SLC7A5: variants seen among roughly 807,000 people sequenced by gnomAD.
SLC7A5 encodes the protein solute carrier family 7 member 5.
Under a neutral mutation model 50.2 loss-of-function variants are expected in SLC7A5, and 23 were observed. The observed-to-expected ratio is 0.46, with a 90% CI of 0.33 to 0.65. SLC7A5 has a LOEUF of 0.65. Ranked by LOEUF, SLC7A5 falls within the 30% of genes least tolerant of loss-of-function variation. The probability of loss-of-function intolerance (pLI) is 0.02; values close to 1 mark genes in which losing one functional copy is unlikely to be tolerated. For missense variants in SLC7A5, 578 were observed against 684.4 expected, an observed-to-expected ratio of 0.84 and a Z score of 1.73; for synonymous variants, 393 against 330.6, an observed-to-expected ratio of 1.19 and a Z score of -2.05.
At chr16:87,838,620 T>A in intron 6 of SLC7A5, 94 bp downstream of exon 6, 1 of 975,876 alleles carries the variant, frequency 1.0e-6, no homozygotes, top group East Asian at 2.4e-5. Context: ...ATCCCCAGTA[T>A]CACAGAGACA....
At chr16:87,842,182 C>T (rs2055090421) in intron 2 of SLC7A5, among the ~76,000 whole-genome samples, 1 of 152,200 alleles carries the variant, frequency 6.6e-6, no homozygotes, top group African/African-American at 2.4e-5. Flanking sequence ...CAGCTGGAGG[C>T]ACAAGTGGAA....
intron 1 of SLC7A5, among the ~76,000 whole-genome samples, chr16:87,865,821 T>G (rs1471575618): frequency 1.3e-5 from 2 of 152,116 alleles, no homozygotes; most frequent in Non-Finnish European, 2.9e-5. Flanking sequence ...CATTAGCTAT[T>G]ACATTAGAAT....
At chr16:87,842,006 C>T (rs987499738) in intron 2 of SLC7A5, among the ~76,000 whole-genome samples, 4 of 152,194 alleles carry the variant, frequency 2.6e-5, no homozygotes, top group Non-Finnish European at 5.9e-5. Flanking sequence ...GTGGCTGTTG[C>T]CTCCTCTGTG....
intron 1 of SLC7A5, among the ~76,000 whole-genome samples, chr16:87,859,628 G>A (rs1399456672): frequency 2.0e-5 from 3 of 152,126 alleles, no homozygotes; most frequent in Non-Finnish European, 2.9e-5. Flanking sequence ...CAGGTACAGC[G>A]GACCAGCACT....
chr16:87,835,496 T>A (rs2054987813), intron 8 of SLC7A5, among the ~76,000 whole-genome samples: 1 of 152,212 alleles, frequency 6.6e-6, no homozygotes, highest in African/African-American at 2.4e-5. Flanking sequence ...CCCCTGTTTT[T>A]TTTGTTTGTT....
intron 5 of SLC7A5, among the ~76,000 whole-genome samples, chr16:87,839,059 T>C (rs1251901776): frequency 6.6e-6 from 1 of 152,204 alleles, no homozygotes; most frequent in African/African-American, 2.4e-5. Flanking sequence ...CCCCCTCCTC[T>C]GGGACTCCCT....
At chr16:87,866,179 G>A (rs1429321504) in intron 1 of SLC7A5, among the ~76,000 whole-genome samples, 1 of 152,102 alleles carries the variant, frequency 6.6e-6, no homozygotes, top group Non-Finnish European at 1.5e-5. Flanking sequence ...CAGCCTCTGC[G>A]TACTGCCTGG....
chr16:87,859,655 T>C (rs2055363893), intron 1 of SLC7A5, among the ~76,000 whole-genome samples: 1 of 152,058 alleles, frequency 6.6e-6, no homozygotes, highest in East Asian at 1.9e-4. Flanking sequence ...CAAACACAGA[T>C]CTTGGCCTGG....
intron 3 of SLC7A5, 56 bp from the exon 4 acceptor site, chr16:87,840,529 C>G: frequency 6.9e-7 from 1 of 1,446,358 alleles, no homozygotes; most frequent in Non-Finnish European, 9.7e-7. Flanking sequence ...GAAAATAAAT[C>G]ACCGGGGAGA....
chr16:87,845,216 G>A (rs8051149), intron 2 of SLC7A5, among the ~76,000 whole-genome samples: 55,293 of 152,096 alleles, frequency 0.36, 11,810 homozygotes, highest in African/African-American at 0.59. Flanking sequence ...CATCAGGCAT[G>A]GTCAGGGGCA....
chr16:87,839,281 G>A (rs1008319350), intron 5 of SLC7A5, among the ~76,000 whole-genome samples: 8 of 152,194 alleles, frequency 5.3e-5, no homozygotes, highest in Non-Finnish European at 1.2e-4. Context: ...GCTGCCCGGT[G>A]ACACCGCCCG....
chr16:87,834,274 G>A (rs1214587396), intron 9 of SLC7A5, 140 bp downstream of exon 9: 8 of 787,192 alleles, frequency 1.0e-5, no homozygotes, highest in Non-Finnish European at 1.5e-5. Flanking sequence ...GCGTGTCACT[G>A]GCGGACACTG....
intron 5 of SLC7A5, 144 bp from the exon 6 acceptor site, chr16:87,838,961 T>C (rs2055047822): frequency 1.4e-6 from 1 of 713,480 alleles, no homozygotes; most frequent in Non-Finnish European, 2.5e-6. Flanking sequence ...GGCTGGATTC[T>C]GGCCTCTGGG....
At position 87,853,279 on chromosome 16, in the gene SLC7A5, G is replaced by T. The variant is rs536986827; in HGVS notation, c.539-1430C>A. Among the ~76,000 whole-genome samples, 22 of 152,354 alleles carry T rather than the reference G, an allele frequency of 1.4e-4. No individual in the cohort carries two copies. The South Asian group carries it at 4.1e-3, about 29-fold the overall frequency. ...ACTAATGACACCGGAAACGTCCTGA[G>T]GTGCGGGACGGGCTGCCGCCTGCCT... On this transcript the variant is annotated intron_variant, in intron 1 of 9. Coordinates refer to ENST00000261622, the MANE Select transcript of SLC7A5 (RefSeq NM_003486.7). The surrounding 1 kb of genome is among the most constrained non-coding windows in gnomAD (Gnocchi z 4.4).
intron 8 of SLC7A5, among the ~76,000 whole-genome samples, chr16:87,836,034 G>A (rs16943315): frequency 0.32 from 48,927 of 152,128 alleles, 8,905 homozygotes; most frequent in African/African-American, 0.49. Flanking sequence ...GGCAGCCCAC[G>A]GATAACAGCT....
intron 2 of SLC7A5, among the ~76,000 whole-genome samples, chr16:87,848,768 T>C (rs1407401143): frequency 6.6e-6 from 1 of 152,224 alleles, no homozygotes; most frequent in Non-Finnish European, 1.5e-5. Flanking sequence ...CACGTGCCTA[T>C]GGCTCTCAGG....
At chr16:87,836,854 C>G (rs1030864790) in intron 7 of SLC7A5, 6,714 of 239,524 alleles carry the variant, frequency 0.028, no homozygotes, top group South Asian at 0.092. Flanking sequence ...AGGGAAGAGG[C>G]GGGGAGGAGG....
At position 87,861,908 on chromosome 16, in the gene SLC7A5, G is replaced by A. The variant is rs1291646819; in HGVS notation, c.538+6977C>T. 6.6e-6 allele frequency among the ~76,000 whole-genome samples: 1 copy of A among 152,204 alleles called. No homozygotes were observed. Among genetic ancestry groups the A allele is most frequent in the Non-Finnish European group, 1.5e-5 (1 of 68,042 alleles). ...GGTGCCGGCGGCACTTTCATGTGCG[G>A]CTGGGAAAGTCAGATTTCAGCACTA... On this transcript the variant is annotated intron_variant, in intron 1 of 9. Coordinates refer to ENST00000261622, the MANE Select transcript of SLC7A5 (RefSeq NM_003486.7). The surrounding 1 kb of genome is among the most constrained non-coding windows in gnomAD (Gnocchi z 4.2).
At chr16:87,834,837 C>A (rs1419812813) in intron 8 of SLC7A5, among the ~76,000 whole-genome samples, 1 of 152,242 alleles carries the variant, frequency 6.6e-6, no homozygotes, top group African/African-American at 2.4e-5. Context: ...GAGACAGCTT[C>A]GTCTCCCGAG....
Sources: allele counts gnomAD v4.1 joint callset (sites outside exome capture counted in the v4.1 genomes callset), GRCh38; gene constraint gnomAD v4.1.1; non-coding constraint Gnocchi (gnomAD v3.1); transcripts MANE v1.5; gene names NCBI Gene and HGNC (gene_info 2026-07-23, HGNC 2026-07-21).